The following SIDT1 variants were observed in gnomAD, a reference collection of about 807,000 sequenced individuals.
The protein encoded by SIDT1 is SID1 transmembrane family member 1.
In SIDT1, 101 loss-of-function variants were observed where a neutral mutation model predicts 107.5. The observed-to-expected ratio is 0.94, with a 90% CI of 0.80 to 1.11. SIDT1 has a LOEUF of 1.11. Ranked by LOEUF, SIDT1 falls within the 50% of genes least tolerant of loss-of-function variation. The probability of loss-of-function intolerance (pLI) is 0.00; values close to 1 mark genes in which losing one functional copy is unlikely to be tolerated. For synonymous variants in SIDT1, 395 were observed against 398.2 expected (o/e 0.99, Z 0.10); for missense variants, 1,076 against 1,058.2 (o/e 1.02, Z -0.23).
At chr3:113,546,402 A>G (rs564596573) in intron 1 of SIDT1, among the ~76,000 whole-genome samples, 34 of 152,162 alleles carry the variant, frequency 2.2e-4, no homozygotes, top group Admixed American at 4.6e-4. Flanking sequence ...GAAGATTCCC[A>G]TAGGGTTCTT....
chr3:113,566,338 TTGTGTGTGTGTGTG>T (rs55802002), intron 1 of SIDT1, 68 bp from the exon 2 acceptor site: 2 of 1,098,824 alleles, frequency 1.8e-6, no homozygotes, highest in Admixed American at 2.1e-5. Flanking sequence ...TTGTGTGTGT[TTGTGTGTGTGTGTG>T]TGTGTGTGTG....
In SIDT1 at chr3:113,533,137, C is replaced by A; in HGVS notation, c.116C>A (p.Pro39His). The change falls in exon 1 of 25, where the codon CCC (proline) becomes CAC (histidine). Residue 39 changes from proline (P) to histidine (H), a missense_variant. Physicochemically the swap from Pro to His is moderately conservative, Grantham distance 77 (BLOSUM62 -2). Coordinates refer to ENST00000264852, the MANE Select transcript of SIDT1 (RefSeq NM_017699.3). ...PRQPPAPRRD[P>H]FDAARGADFD... Reference sequence around the variant, plus strand: ...CAGCCCCCGGCACCGCGCCGCGACCCCTTCGACGCTGCCAGGGGCGCCGAT... The same window carrying A: ...CAGCCCCCGGCACCGCGCCGCGACCACTTCGACGCTGCCAGGGGCGCCGAT... The A allele has an allele frequency of 6.4e-7, 1 of 1,573,396 alleles. No homozygotes were observed. Among genetic ancestry groups the A allele is most frequent in the Non-Finnish European group, 8.6e-7 (1 of 1,161,894 alleles).
intron 9 of SIDT1, among the ~76,000 whole-genome samples, chr3:113,588,353 C>A (rs1943890203): frequency 6.6e-6 from 1 of 152,194 alleles, no homozygotes; most frequent in Non-Finnish European, 1.5e-5. Flanking sequence ...AATAGGAGAA[C>A]TTTTCCTTCA....
intron 9 of SIDT1, 118 bp from the exon 10 acceptor site, chr3:113,592,887 C>A: frequency 1.2e-6 from 1 of 863,696 alleles, no homozygotes; most frequent in Non-Finnish European, 2.0e-6. Context: ...CACCTGGCCC[C>A]AAAGACATGT....
chr3:113,567,437 G>A (rs1942020281), intron 2 of SIDT1, 103 bp from the exon 3 acceptor site: 1 of 929,092 alleles, frequency 1.1e-6, no homozygotes, highest in Non-Finnish European at 1.6e-6. Context: ...ACCTGAAAAT[G>A]AATTTGGAGA....
chr3:113,633,446 C>T (rs1239792225), downstream of SIDT1, among the ~76,000 whole-genome samples: 2 of 152,134 alleles, frequency 1.3e-5, no homozygotes, highest in Non-Finnish European at 2.9e-5. Context: ...ACGTGGAAGA[C>T]CTTGAATGGA....
In SIDT1 at chr3:113,607,126, C is replaced by T. The variant is rs1176585392; in HGVS notation, c.1478+12C>T. 6.3e-7 allele frequency: 1 copy of T among 1,576,944 alleles called. No individual in the cohort carries two copies. Among genetic ancestry groups the T allele is most frequent in the Non-Finnish European group, 8.7e-7 (1 of 1,147,020 alleles). On this transcript the variant is annotated intron_variant, in intron 15 of 24. Coordinates refer to ENST00000264852, the MANE Select transcript of SIDT1 (RefSeq NM_017699.3). The stretch of plus-strand genomic sequence containing the variant: ...TTGGGCGTCCTGAGGTAAACCCAGT[C>T]CTCTGGTTGCCCATGAGGCATTTAG...
intron 4 of SIDT1, among the ~76,000 whole-genome samples, chr3:113,578,616 G>A (rs1386089615): frequency 1.3e-5 from 2 of 152,124 alleles, no homozygotes; most frequent in Non-Finnish European, 2.9e-5. Flanking sequence ...GGGAGGCTGA[G>A]GCAGAAGTAT....
Position 113,612,123 on chromosome 3 carries a change from T to A in SIDT1, c.1895T>A (p.Phe632Tyr). 6.2e-7 allele frequency: 1 copy of A among 1,614,174 alleles called. No homozygotes were observed. Among genetic ancestry groups the A allele is most frequent in the South Asian group, 1.1e-5 (1 of 91,084 alleles). Residue 632 changes from phenylalanine (F) to tyrosine (Y), a missense_variant, in exon 19 of 25, where the codon TTC becomes TAC. Phe to Tyr is a conservative substitution (Grantham distance 22, BLOSUM62 3). Transcript: ENST00000264852. Reference protein sequence around the residue: ...GKNDVWFWVIFSAIHVLASLA... With the variant: ...GKNDVWFWVIYSAIHVLASLA... ...AATGACGTATGGTTCTGGGTCATCT[T>A]CTCTGCAATCCACGTTCTGGCCTCG...
At chr3:113,564,798 G>A (rs933769037) in intron 1 of SIDT1, among the ~76,000 whole-genome samples, 5 of 152,152 alleles carry the variant, frequency 3.3e-5, no homozygotes, top group Non-Finnish European at 7.3e-5. Flanking sequence ...AAGAGATCTC[G>A]CTAGAGATAT....
intron 14 of SIDT1, 146 bp downstream of exon 14, chr3:113,605,122 C>CCCTT: frequency 3.3e-6 from 1 of 306,998 alleles, no homozygotes; most frequent in East Asian, 5.2e-5. Context: ...CTATTGCTTC[C>CCCTT]TCTTTTTTTT....
intron 6 of SIDT1, among the ~76,000 whole-genome samples, chr3:113,582,111 G>A (rs1943403078): frequency 1.3e-5 from 2 of 152,044 alleles, no homozygotes; most frequent in South Asian, 4.1e-4. Flanking sequence ...AAGCAAATGA[G>A]GTCTTCAATT....
intron 17 of SIDT1, 149 bp from the exon 18 acceptor site, chr3:113,610,859 A>C: frequency 1.2e-6 from 1 of 864,642 alleles, no homozygotes; most frequent in Non-Finnish European, 1.8e-6. Context: ...AGAGGCTGAC[A>C]TGTTAGAGGT....
intron 20 of SIDT1, among the ~76,000 whole-genome samples, chr3:113,618,310 C>T (rs139938981): frequency 4.6e-5 from 7 of 152,260 alleles, no homozygotes; most frequent in East Asian, 1.9e-4. Context: ...GGATGTGCCA[C>T]GTTTATTTAT....
At chr3:113,551,327 A>G (rs77526248) in intron 1 of SIDT1, among the ~76,000 whole-genome samples, 2,470 of 152,288 alleles carry the variant, frequency 0.016, 31 homozygotes, top group Non-Finnish European at 0.026. Flanking sequence ...TGAGGTTCAA[A>G]GTACCTTTTA....
intron 21 of SIDT1, chr3:113,620,014 T>C (rs767060658): frequency 4.7e-5 from 13 of 274,566 alleles, no homozygotes; most frequent in East Asian, 1.6e-4. Context: ...GATGGATGGA[T>C]AGTTGAATGG....
At position 113,603,118 on chromosome 3, in the gene SIDT1, A is replaced by G; in HGVS notation, c.1231A>G (p.Ile411Val). ...EESDFDTMPD[I>V]ESDKNIIRTK... The stretch of plus-strand genomic sequence containing the variant: ...GAGCGACTTCGACACCATGCCAGAC[A>G]TTGAGAGTGATAAAAACATCATCCG... Residue 411 changes from isoleucine (I) to valine (V), a missense_variant, in exon 12 of 25, where the codon ATT (isoleucine) becomes GTT (valine). Physicochemically the swap from Ile to Val is conservative, Grantham distance 29 (BLOSUM62 3). Coordinates refer to ENST00000264852, the MANE Select transcript of SIDT1 (RefSeq NM_017699.3). The G allele has an allele frequency of 6.2e-7, 1 of 1,614,012 alleles. No individual in the cohort carries two copies. The highest frequency in any genetic ancestry group is 8.5e-7 in the Non-Finnish European group (1 of 1,179,918).
intron 3 of SIDT1, among the ~76,000 whole-genome samples, chr3:113,569,278 G>A (rs1942231525): frequency 6.6e-6 from 1 of 152,050 alleles, no homozygotes; most frequent in Non-Finnish European, 1.5e-5. Flanking sequence ...GAGGAGAGAA[G>A]TACATGGCTA....
chr3:113,616,262 G>C (rs1188989299), intron 20 of SIDT1, 86 bp downstream of exon 20: 5 of 1,069,602 alleles, frequency 4.7e-6, no homozygotes, highest in Non-Finnish European at 7.2e-6. Context: ...GTCACTCACG[G>C]CTCCTAAAAT....
Sources: allele counts gnomAD v4.1 joint callset (sites outside exome capture counted in the v4.1 genomes callset), GRCh38; gene constraint gnomAD v4.1.1; transcripts MANE v1.5; gene names NCBI Gene and HGNC (gene_info 2026-07-23, HGNC 2026-07-21).